The following HERC1 variants were observed in gnomAD, a reference collection of about 807,000 sequenced individuals.
The protein encoded by HERC1 is HECT and RLD domain containing E3 ubiquitin protein ligase family member 1.
In HERC1, 160 loss-of-function variants were observed where a neutral mutation model predicts 554.3. The ratio of observed to expected loss-of-function variants is 0.29; its 90% CI spans 0.25 to 0.33. The LOEUF (loss-of-function observed/expected upper bound fraction) is 0.33. Ranked by LOEUF, HERC1 falls within the 10% of genes least tolerant of loss-of-function variation. The pLI, the probability that HERC1 is intolerant of heterozygous loss-of-function variation, is 1.00. For missense variants in HERC1, 4,919 were observed against 5,918.5 expected (o/e 0.83, Z 5.54); for synonymous variants, 2,175 against 2,131.7 (o/e 1.02, Z -0.56).
chr15:63,737,659 C>T (rs985495610), intron 12 of HERC1, among the ~76,000 whole-genome samples: 2 of 149,670 alleles, frequency 1.3e-5, no homozygotes, highest in African/African-American at 2.5e-5. Context: ...GGATTACAGG[C>T]GTGAGCCACT....
rs556131070 is a variant in HERC1 at position 63,758,016 on chromosome 15, T to C, written c.1221+159A>G. Among the ~76,000 whole-genome samples, 22 of 152,336 alleles carry C rather than the reference T, an allele frequency of 1.4e-4. No homozygotes were observed. The highest frequency in any genetic ancestry group is 4.8e-4 in the African/African-American group (20 of 41,578). ...AGCCACTGCGCCCAGCAAAAATTTATTTTTCTATTAAAATGAAAAAAACTA... is the reference window on the plus strand; with the variant it reads ...AGCCACTGCGCCCAGCAAAAATTTACTTTTCTATTAAAATGAAAAAAACTA... On this transcript the variant is annotated intron_variant, in intron 4 of 77. Transcript: ENST00000443617. The surrounding 1 kb of genome is among the most constrained non-coding windows in gnomAD (Gnocchi z 4.0).
intron 27 of HERC1, 77 bp downstream of exon 27, chr15:63,696,047 C>T (rs2153057051): frequency 1.8e-6 from 2 of 1,082,722 alleles, no homozygotes; most frequent in Admixed American, 2.1e-5. Context: ...ATCATAAACA[C>T]CAAAAAGTTT....
At chr15:63,829,543 ATG>A (rs752906693) in intron 1 of HERC1, among the ~76,000 whole-genome samples, 2,690 of 89,364 alleles carry the variant, frequency 0.03, 77 homozygotes, top group Middle Eastern at 0.04. Flanking sequence ...ACATATATGT[ATG>A]TGTGTGTGTG....
chr15:63,635,056 A>C, intron 65 of HERC1, 168 bp from the exon 66 acceptor site: 1 of 463,466 alleles, frequency 2.2e-6, no homozygotes, highest in Non-Finnish European at 3.7e-6. Context: ...ATTTTTTTTT[A>C]AATTTTAAAG....
At chr15:63,750,542 T>A (rs955145252) in intron 8 of HERC1, among the ~76,000 whole-genome samples, 2 of 152,200 alleles carry the variant, frequency 1.3e-5, no homozygotes, top group African/African-American at 4.8e-5. Context: ...TTATATAGAT[T>A]CTTATCTTCA....
At position 63,652,485 on chromosome 15, in the gene HERC1, A is replaced by G. The variant is rs1299989608; in HGVS notation, c.10347T>C (p.Asp3449=). Residue 3449 remains aspartate, a synonymous_variant, in exon 52 of 78, where the codon GAT becomes GAC. Transcript: ENST00000443617. The stretch of plus-strand genomic sequence containing the variant: ...TAACATTCCATACGCGGATGGTGCC[A>G]TCATTGCCACTTGTAGCCAAAAGAC... The part of the protein sequence containing the change: ...KKGLLATSGN[D]GTIRVWNVTK... The G allele has an allele frequency of 1.2e-6, 2 of 1,610,364 alleles. No individual in the cohort carries two copies. The highest frequency in any genetic ancestry group is 1.7e-6 in the Non-Finnish European group (2 of 1,177,920).
At chr15:63,647,779 T>G (rs919313853) in intron 55 of HERC1, among the ~76,000 whole-genome samples, 30 of 152,014 alleles carry the variant, frequency 2.0e-4, no homozygotes, top group African/African-American at 7.0e-4. Context: ...TTTTTCACTT[T>G]TAAGTGGTTA....
chr15:63,628,170 C>T (rs904414171), intron 70 of HERC1, among the ~76,000 whole-genome samples: 1 of 152,030 alleles, frequency 6.6e-6, no homozygotes, highest in Non-Finnish European at 1.5e-5. Flanking sequence ...GCGGGCGGAT[C>T]ACTGGAGGTC....
At chr15:63,666,837 C>T (rs139715278) in intron 40 of HERC1, among the ~76,000 whole-genome samples, 13 of 152,112 alleles carry the variant, frequency 8.5e-5, no homozygotes, top group Non-Finnish European at 1.3e-4. Flanking sequence ...AAGTTTAGTC[C>T]CTCAACATAT....
At chr15:63,744,010 T>C (rs528597434) in intron 12 of HERC1, among the ~76,000 whole-genome samples, 5 of 152,214 alleles carry the variant, frequency 3.3e-5, no homozygotes, top group Non-Finnish European at 7.4e-5. Flanking sequence ...TGCAGCCTCA[T>C]AGAGGTACCA....
rs1237744263 is a variant in HERC1 at position 63,658,729 on chromosome 15, T to C, written c.9425-11A>G. The C allele has an allele frequency of 8.1e-6, 13 of 1,601,056 alleles. 1 individual carries two copies. The highest frequency in any genetic ancestry group is 1.1e-5 in the Non-Finnish European group (13 of 1,171,122). ...CGGAGCCATGGCAACCTGAAAAACA[T>C]AATTCTGTTTTGTTCTCAACAAGGT... On this transcript the variant is annotated splice_polypyrimidine_tract_variant and intron_variant, in intron 47 of 77. Coordinates refer to ENST00000443617, the MANE Select transcript of HERC1 (RefSeq NM_003922.4).
chr15:63,816,700 C>A (rs2077503976), intron 1 of HERC1, among the ~76,000 whole-genome samples: 1 of 152,060 alleles, frequency 6.6e-6, no homozygotes, highest in Admixed American at 6.5e-5. Context: ...AAAGGAATTC[C>A]ACCACAGAAC....
intron 25 of HERC1, 39 bp from the exon 26 acceptor site, chr15:63,699,035 A>C: frequency 6.5e-7 from 1 of 1,540,330 alleles, no homozygotes; most frequent in Non-Finnish European, 8.9e-7. Flanking sequence ...AATGGCAATC[A>C]AGTAGAGCAT....
chr15:63,614,252 T>C (rs2067721804), intron 76 of HERC1, among the ~76,000 whole-genome samples: 1 of 152,194 alleles, frequency 6.6e-6, no homozygotes, highest in African/African-American at 2.4e-5. Flanking sequence ...GACACCATCT[T>C]AGAGCCTGGT....
At chr15:63,629,077 G>A (rs149003032) in intron 69 of HERC1, among the ~76,000 whole-genome samples, 3 of 151,660 alleles carry the variant, frequency 2.0e-5, no homozygotes, top group Admixed American at 1.3e-4. Context: ...AGCCTCCCAA[G>A]TGGCTGAGAT....
rs1400147037 is a variant in HERC1, at chr15:63,640,341, T to C, written c.11712A>G (p.Pro3904=). ...LHLDQLLCNP[P]VPPHHQNCLP... ...GACAGTTCTGGTGGTGTGGTGGCACTGGAGGGTTACACAACAGCTGATCCA... is the reference window on the plus strand; with the variant it reads ...GACAGTTCTGGTGGTGTGGTGGCACCGGAGGGTTACACAACAGCTGATCCA... The change falls in exon 61 of 78, where the codon CCA becomes CCG. Residue 3904 remains proline (P), a synonymous_variant. Transcript: ENST00000443617. 7 of 1,613,750 alleles carry C rather than the reference T, an allele frequency of 4.3e-6. No individual in the cohort carries two copies. Among genetic ancestry groups the C allele is most frequent in the Non-Finnish European group, 5.9e-6 (7 of 1,179,800 alleles).
intron 57 of HERC1, among the ~76,000 whole-genome samples, chr15:63,644,037 T>C (rs936770666): frequency 2.6e-5 from 4 of 152,220 alleles, no homozygotes; most frequent in East Asian, 3.8e-4. Flanking sequence ...GGCCTGTCTA[T>C]AGGGCTGCCC....
In HERC1 at chr15:63,692,628, C is replaced by T; in HGVS notation, c.5675-62G>A. 7.2e-7 allele frequency: 1 copy of T among 1,380,812 alleles called. No individual in the cohort carries two copies. The highest frequency in any genetic ancestry group is 9.7e-7 in the Non-Finnish European group (1 of 1,030,850). 85.5% of individuals were successfully genotyped at this position (1,380,812 alleles called of 1,614,324 possible). On this transcript the variant is annotated intron_variant, in intron 30 of 77. Coordinates refer to ENST00000443617, the MANE Select transcript of HERC1 (RefSeq NM_003922.4). This position sits in a 1 kb window ranked among gnomAD's most constrained non-coding sequence, Gnocchi z 4.7. The stretch of plus-strand genomic sequence containing the variant: ...GCCAACAAGAAATAGTCTTATATCA[C>T]ATAATTTACCTTGAAACTGCAGTAA...
chr15:63,691,161 A>G (rs1277164100), intron 31 of HERC1, among the ~76,000 whole-genome samples: 2 of 152,186 alleles, frequency 1.3e-5, no homozygotes, highest in East Asian at 3.9e-4. Flanking sequence ...TAAACAGACT[A>G]TACTTTTCTA....
Sources: gnomAD v4.1 joint callset for allele counts (sites outside exome capture counted in the v4.1 genomes callset) on GRCh38, gnomAD v4.1.1 for gene constraint, Gnocchi (gnomAD v3.1) non-coding constraint, MANE v1.5 for transcripts, NCBI Gene and HGNC (gene_info 2026-07-23, HGNC 2026-07-21) for gene names.